Variants in AXDND1 observed in about 807,000 individuals in gnomAD.
AXDND1 encodes the protein axonemal dynein light chain domain-containing protein 1.
In AXDND1, 110 loss-of-function variants were observed where a neutral mutation model predicts 137.5. That is an observed-to-expected ratio of 0.80 (90% CI 0.69 to 0.94). The LOEUF (loss-of-function observed/expected upper bound fraction) is 0.94. AXDND1 is among the 40% of genes least tolerant of loss of function. The pLI is 0.00. For synonymous variants in AXDND1, 414 were observed against 399.7 expected, an observed-to-expected ratio of 1.04 and a Z score of -0.43; for missense variants, 1,191 against 1,169.8, an observed-to-expected ratio of 1.02 and a Z score of -0.26.
At chr1:179,419,386 C>T (rs1034853866) in intron 12 of AXDND1, among the ~76,000 whole-genome samples, 22 of 150,510 alleles carry the variant, frequency 1.5e-4, no homozygotes, top group Admixed American at 6.6e-4. Flanking sequence ...CCAAGGCTGG[C>T]GGATCACTCG....
chr1:179,493,203 A>G (rs891192670), intron 20 of AXDND1, among the ~76,000 whole-genome samples: 3 of 144,958 alleles, frequency 2.1e-5, no homozygotes, highest in African/African-American at 7.5e-5. Flanking sequence ...TGTCTGATCT[A>G]CTAACACCAA....
intron 12 of AXDND1, among the ~76,000 whole-genome samples, chr1:179,414,889 A>G (rs575141104): frequency 6.6e-6 from 1 of 152,360 alleles, no homozygotes; most frequent in Admixed American, 6.5e-5. Context: ...ACTTTTAGAC[A>G]TCAAAATGTA....
intron 21 of AXDND1, among the ~76,000 whole-genome samples, chr1:179,516,834 C>A (rs1005375721): frequency 4.1e-4 from 62 of 152,298 alleles, no homozygotes; most frequent in Non-Finnish European, 8.5e-4. Flanking sequence ...GTCGTGGATA[C>A]CAGCACCTGT....
At chr1:179,416,715 G>C (rs930670659) in intron 12 of AXDND1, among the ~76,000 whole-genome samples, 3 of 152,178 alleles carry the variant, frequency 2.0e-5, no homozygotes, top group Admixed American at 6.5e-5. Context: ...CAGCATTCTT[G>C]CCTGTTCTGG....
Position 179,513,077 on chromosome 1 carries a change from G to T in AXDND1, c.2496+3674G>T, listed in dbSNP as rs143428145. 2.0e-3 allele frequency among the ~76,000 whole-genome samples: 303 copies of T among 152,254 alleles called. 2 individuals are homozygous for T. The highest frequency in any genetic ancestry group is 6.6e-3 in the African/African-American group (274 of 41,546). Reference sequence around the variant, plus strand: ...TTCCTTCTCTTGTCTGATTGCTCTGGCTGGGACTTCCAGTTCTATGTTGAA... The same window carrying T: ...TTCCTTCTCTTGTCTGATTGCTCTGTCTGGGACTTCCAGTTCTATGTTGAA... On this transcript the variant is annotated intron_variant, in intron 21 of 25. Transcript: ENST00000367618.
At chr1:179,415,933 G>A (rs1179426338) in intron 12 of AXDND1, among the ~76,000 whole-genome samples, 2 of 152,096 alleles carry the variant, frequency 1.3e-5, no homozygotes, top group East Asian at 1.9e-4. Flanking sequence ...TCTTTTCTTT[G>A]TGGTAGATAC....
chr1:179,396,836 T>C (rs910294532), intron 11 of AXDND1, among the ~76,000 whole-genome samples: 4 of 152,212 alleles, frequency 2.6e-5, no homozygotes, highest in African/African-American at 4.8e-5. Flanking sequence ...ATTTGCTTGG[T>C]AGATTTTTCT....
intron 12 of AXDND1, among the ~76,000 whole-genome samples, chr1:179,414,444 A>C (rs893308361): frequency 5.6e-5 from 5 of 89,672 alleles, no homozygotes; most frequent in Non-Finnish European, 1.2e-4. Context: ...TATTTTTTTG[A>C]GATGGAGTCT....
chr1:179,488,639 CTTTCTTTCTTTCTT>C (rs1553292179), intron 18 of AXDND1, among the ~76,000 whole-genome samples: 1,754 of 50,408 alleles, frequency 0.035, 207 homozygotes, highest in African/African-American at 0.087. Flanking sequence ...TCTCTCCTTT[CTTTCTTTCTTTCTT>C]TCTTTCTTTC....
chr1:179,527,250 A>T (rs2125690741), intron 22 of AXDND1, among the ~76,000 whole-genome samples: 1 of 152,226 alleles, frequency 6.6e-6, no homozygotes, highest in South Asian at 2.1e-4. Context: ...CATGGCGCTG[A>T]TGGGAGTATA....
intron 25 of AXDND1, chr1:179,551,101 CAG>C (rs1673183157): frequency 1.3e-6 from 2 of 1,591,858 alleles, no homozygotes; most frequent in Non-Finnish European, 8.6e-7. Context: ...GGAATGAGGA[CAG>C]AGTGTCTCCC....
chr1:179,383,361 A>T, intron 7 of AXDND1, 81 bp from the exon 8 acceptor site: 1 of 1,009,932 alleles, frequency 9.9e-7, no homozygotes, highest in Non-Finnish European at 1.5e-6. Context: ...TATTCTCTTT[A>T]CACATATTAT....
chr1:179,439,626 G>A (rs1189901102), intron 15 of AXDND1, among the ~76,000 whole-genome samples: 1 of 152,182 alleles, frequency 6.6e-6, no homozygotes, highest in Non-Finnish European at 1.5e-5. Flanking sequence ...ACATGGCCAA[G>A]AATATGGAAT....
intron 20 of AXDND1, among the ~76,000 whole-genome samples, chr1:179,493,969 TG>T (rs1667191246): frequency 6.6e-6 from 1 of 152,176 alleles, no homozygotes; most frequent in Non-Finnish European, 1.5e-5. Flanking sequence ...AAATTTTTTT[TG>T]AGATGGAGTC....
At chr1:179,479,960 C>T (rs1665153859) in intron 17 of AXDND1, among the ~76,000 whole-genome samples, 1 of 152,164 alleles carries the variant, frequency 6.6e-6, no homozygotes, top group Admixed American at 6.5e-5. Flanking sequence ...CTGTAACCAC[C>T]TCAGCCTGGA....
intron 13 of AXDND1, among the ~76,000 whole-genome samples, chr1:179,430,220 T>C (rs1039001968): frequency 6.6e-6 from 1 of 151,926 alleles, no homozygotes; most frequent in African/African-American, 2.4e-5. Flanking sequence ...TATGGAAACA[T>C]TGGGTTCATG....
intron 25 of AXDND1, among the ~76,000 whole-genome samples, chr1:179,537,995 A>G (rs542380642): frequency 2.0e-5 from 3 of 152,244 alleles, no homozygotes; most frequent in South Asian, 4.1e-4. Flanking sequence ...TGTTTATAGT[A>G]TTGTCTGATG....
At chr1:179,460,217 G>A (rs1001866486) in intron 16 of AXDND1, among the ~76,000 whole-genome samples, 2 of 150,910 alleles carry the variant, frequency 1.3e-5, no homozygotes, top group East Asian at 1.9e-4. Context: ...GACAGGCCTC[G>A]GTATGTGATG....
At chr1:179,414,435 ATTTT>A (rs869026107) in intron 12 of AXDND1, among the ~76,000 whole-genome samples, 1 of 132,802 alleles carries the variant, frequency 7.5e-6, no homozygotes, top group South Asian at 2.3e-4. Flanking sequence ...TTATTTATTT[ATTTT>A]TTTGAGATGG....
Sources: allele counts gnomAD v4.1 joint callset (sites outside exome capture counted in the v4.1 genomes callset), GRCh38; gene constraint gnomAD v4.1.1; transcripts MANE v1.5; gene names NCBI Gene and HGNC (gene_info 2026-07-23, HGNC 2026-07-21).